TNKS: variants seen among roughly 807,000 people sequenced by gnomAD.
TNKS encodes the protein tankyrase, also known as poly [ADP-ribose] polymerase tankyrase-1.
TNKS carries 72 observed loss-of-function variants against 135.8 expected under a neutral mutation model. The ratio of observed to expected loss-of-function variants is 0.53; its 90% CI spans 0.44 to 0.64. The LOEUF (loss-of-function observed/expected upper bound fraction) is 0.64. Among genes scored for constraint, TNKS ranks in the 30% least tolerant of loss-of-function variants. The pLI is 0.00. For missense variants in TNKS, 1,769 were observed against 1,674.0 expected (o/e 1.06, Z -0.99); for synonymous variants, 849 against 649.3 (o/e 1.31, Z -4.68).
intron 11 of TNKS, among the ~76,000 whole-genome samples, chr8:9,712,948 C>T (rs1042459130): frequency 6.6e-6 from 1 of 152,214 alleles, no homozygotes; most frequent in East Asian, 1.9e-4. Flanking sequence ...CTTTCTCATC[C>T]TTCATAAATT....
At chr8:9,774,988 TC>T (rs1027726814) in intron 26 of TNKS, among the ~76,000 whole-genome samples, 11 of 152,326 alleles carry the variant, frequency 7.2e-5, no homozygotes, top group Admixed American at 7.2e-4. Flanking sequence ...TTTTTGTCTG[TC>T]CGCATGGTAA....
Position 9,780,720 on chromosome 8 carries a change from T to C in TNKS, c.*3984T>C, listed in dbSNP as rs1255631343. 6.6e-6 allele frequency: 1 copy of C among 152,228 alleles called. No homozygotes were observed. Among genetic ancestry groups the C allele is most frequent in the African/African-American group, 2.4e-5 (1 of 41,470 alleles). 9.4% of individuals were successfully genotyped at this position (152,228 alleles called of 1,614,324 possible). A position where few individuals can be genotyped will look rare whatever the true frequency, so the allele number is the denominator to read the frequency against. The stretch of plus-strand genomic sequence containing the variant: ...AACATTGTAGTCCCATTTCTTAGTG[T>C]TTGAAAGGTGTGTCAGTGAGTCGGC... On this transcript the variant is annotated 3_prime_UTR_variant, in exon 27 of 27. Coordinates refer to ENST00000310430, the MANE Select transcript of TNKS (RefSeq NM_003747.3).
At chr8:9,600,607 G>A (rs1038296590) in intron 2 of TNKS, among the ~76,000 whole-genome samples, 6 of 152,002 alleles carry the variant, frequency 3.9e-5, no homozygotes, top group African/African-American at 1.4e-4. Flanking sequence ...GAGCCACTGC[G>A]CCTGGCTGAA....
rs189578581 is a variant in TNKS, at chr8:9,640,348, A to G, written c.994+24671A>G. ...CATTCATGAGAGCGGAGCCCTCATG[A>G]CCTAATCACCTCTTAAAGTTCCTCC... On this transcript the variant is annotated intron_variant, in intron 3 of 26. Coordinates refer to ENST00000310430, the MANE Select transcript of TNKS (RefSeq NM_003747.3). Among the ~76,000 whole-genome samples the G allele has an allele frequency of 1.3e-5, 2 of 150,090 alleles. 1 individual carries two copies. The highest frequency in any genetic ancestry group is 4.3e-4 in the South Asian group (2 of 4,704).
At chr8:9,656,067 A>G (rs1225127542) in intron 3 of TNKS, among the ~76,000 whole-genome samples, 3 of 152,248 alleles carry the variant, frequency 2.0e-5, no homozygotes, top group Non-Finnish European at 4.4e-5. Context: ...TGGAGCTGAA[A>G]ACCACGGCAC....
intron 2 of TNKS, among the ~76,000 whole-genome samples, chr8:9,609,352 A>G (rs1314751202): frequency 6.6e-6 from 1 of 152,314 alleles, no homozygotes; most frequent in East Asian, 1.9e-4. Context: ...TAGGCTTTAG[A>G]TATCGTAGAC....
intron 3 of TNKS, among the ~76,000 whole-genome samples, chr8:9,653,887 C>G (rs769758892): frequency 2.0e-5 from 3 of 152,160 alleles, no homozygotes; most frequent in Admixed American, 6.5e-5. Context: ...TGTGCTCCCT[C>G]TAGTCCTTTC....
At chr8:9,598,508 C>T (rs191735842) in intron 2 of TNKS, among the ~76,000 whole-genome samples, 4 of 151,530 alleles carry the variant, frequency 2.6e-5, no homozygotes, top group Non-Finnish European at 4.4e-5. Flanking sequence ...CCAGGCTGGG[C>T]AACATGGAGA....
At chr8:9,578,664 C>G (rs1022285697) in intron 1 of TNKS, among the ~76,000 whole-genome samples, 3 of 152,126 alleles carry the variant, frequency 2.0e-5, no homozygotes, top group African/African-American at 7.2e-5. Context: ...CTCTTTTCCA[C>G]ATGGTTTTTA....
intron 20 of TNKS, among the ~76,000 whole-genome samples, chr8:9,759,757 G>A (rs1198590633): frequency 6.6e-6 from 1 of 152,132 alleles, no homozygotes; most frequent in Non-Finnish European, 1.5e-5. Flanking sequence ...GGCAGATCAC[G>A]AGGTCAGGAG....
chr8:9,769,980 AT>A, intron 25 of TNKS, 125 bp from the exon 26 acceptor site: 1 of 814,432 alleles, frequency 1.2e-6, no homozygotes, highest in East Asian at 2.7e-5. Context: ...CTACTCATAA[AT>A]CTGAAAATGA....
At chr8:9,768,267 G>A (rs1158161908) in intron 25 of TNKS, among the ~76,000 whole-genome samples, 1 of 152,198 alleles carries the variant, frequency 6.6e-6, no homozygotes, top group Non-Finnish European at 1.5e-5. Flanking sequence ...CTGAGGTGGA[G>A]AAGACAGCAG....
At chr8:9,693,717 A>C (rs1469641770) in intron 5 of TNKS, among the ~76,000 whole-genome samples, 1 of 152,258 alleles carries the variant, frequency 6.6e-6, no homozygotes, top group Non-Finnish European at 1.5e-5. Context: ...ACATGAGTTC[A>C]GAGAGGTAGT....
At chr8:9,597,098 A>C (rs551491087) in intron 2 of TNKS, among the ~76,000 whole-genome samples, 1 of 152,384 alleles carries the variant, frequency 6.6e-6, no homozygotes, top group Admixed American at 6.5e-5. Flanking sequence ...GGAATTTAAG[A>C]TAGCAAATAA....
chr8:9,661,139 G>A (rs994836966), intron 3 of TNKS, among the ~76,000 whole-genome samples: 26 of 152,046 alleles, frequency 1.7e-4, no homozygotes, highest in Admixed American at 5.3e-4. Flanking sequence ...AATCAATATC[G>A]TGAAAATGGC....
intron 17 of TNKS, among the ~76,000 whole-genome samples, chr8:9,745,015 G>C (rs963461197): frequency 3.3e-5 from 5 of 152,184 alleles, no homozygotes; most frequent in African/African-American, 9.6e-5. Context: ...TAGTCTACCA[G>C]ATTATATTAT....
intron 2 of TNKS, among the ~76,000 whole-genome samples, chr8:9,590,860 G>A (rs887982787): frequency 6.6e-5 from 10 of 152,078 alleles, no homozygotes; most frequent in Admixed American, 3.9e-4. Context: ...TTTCATTTTC[G>A]TGATATTGTC....
intron 3 of TNKS, among the ~76,000 whole-genome samples, chr8:9,678,258 G>C (rs560752311): frequency 6.6e-6 from 1 of 150,834 alleles, no homozygotes; most frequent in South Asian, 2.2e-4. Context: ...TGGGGGCATG[G>C]GTTATGCCAT....
At chr8:9,717,332 G>A (rs1021034012) in intron 11 of TNKS, among the ~76,000 whole-genome samples, 9 of 151,494 alleles carry the variant, frequency 5.9e-5, no homozygotes, top group African/African-American at 2.2e-4. Context: ...CTTTAACTAT[G>A]CATACCACCA....
Sources: allele counts gnomAD v4.1 joint callset (sites outside exome capture counted in the v4.1 genomes callset), GRCh38; gene constraint gnomAD v4.1.1; transcripts MANE v1.5; gene names NCBI Gene and HGNC (gene_info 2026-07-23, HGNC 2026-07-21).